The following RIMBP2 variants were observed in gnomAD, a reference collection of about 807,000 sequenced individuals.
The protein encoded by RIMBP2 is RIMS-binding protein 2.
A neutral mutation model predicts 118.6 loss-of-function variants in RIMBP2; 48 were observed. The ratio of observed to expected loss-of-function variants is 0.40; its 90% CI spans 0.32 to 0.51. RIMBP2 has a LOEUF of 0.51. Among genes scored for constraint, RIMBP2 ranks in the 20% least tolerant of loss-of-function variants. The pLI is 0.41. For synonymous variants in RIMBP2, 762 were observed against 742.9 expected (o/e 1.03, Z -0.42); for missense variants, 1,551 against 1,768.3 (o/e 0.88, Z 2.20).
intron 1 of RIMBP2, among the ~76,000 whole-genome samples, chr12:130,637,390 A>G (rs1353728776): frequency 6.6e-6 from 1 of 152,238 alleles, no homozygotes; most frequent in Non-Finnish European, 1.5e-5. Flanking sequence ...ACACATTTCG[A>G]GTGAATGAAT....
chr12:130,407,741 G>C lies in RIMBP2; in HGVS notation c.3678C>G (p.Pro1226=). The C allele has an allele frequency of 6.2e-7, 1 of 1,613,850 alleles. No individual in the cohort carries two copies. Residue 1226 remains proline, a synonymous_variant, in exon 20 of 23, where the codon CCC becomes CCG. Transcript: ENST00000690449. Reference sequence around the variant, plus strand: ...TGGCTGGTACCTCGACATCGACGTTGGGCGAGCTTTCTCTGGGGTCGTAGT... The same window carrying C: ...TGGCTGGTACCTCGACATCGACGTTCGGCGAGCTTTCTCTGGGGTCGTAGT... The part of the protein sequence containing the change: ...LYDYDPRESS[P]NVDVEAELTF...
At chr12:130,637,606 A>G (rs971729207) in intron 1 of RIMBP2, among the ~76,000 whole-genome samples, 1 of 152,246 alleles carries the variant, frequency 6.6e-6, no homozygotes, top group Non-Finnish European at 1.5e-5. Flanking sequence ...TAATGAAGAT[A>G]AAGAATTGAT....
intron 4 of RIMBP2, among the ~76,000 whole-genome samples, chr12:130,501,112 C>T (rs147688929): frequency 2.4e-4 from 36 of 152,288 alleles, no homozygotes; most frequent in Non-Finnish European, 3.8e-4. Context: ...CAGAAATTAA[C>T]GTCCTGACTC....
intron 4 of RIMBP2, among the ~76,000 whole-genome samples, chr12:130,495,348 C>T (rs1372835751): frequency 5.9e-5 from 9 of 152,164 alleles, no homozygotes; most frequent in African/African-American, 4.8e-5. Flanking sequence ...CAGTGCTGCC[C>T]GTTGTCTCCT....
intron 2 of RIMBP2, among the ~76,000 whole-genome samples, chr12:130,545,035 C>T (rs1487460914): frequency 1.3e-5 from 2 of 152,262 alleles, no homozygotes; most frequent in South Asian, 4.1e-4. Flanking sequence ...TTTTTTTAGG[C>T]ATCCATTGAA....
rs553340041 is a variant in RIMBP2, at chr12:130,628,345, C to G, written c.-240G>C. The G allele has an allele frequency of 1.9e-4, 29 of 152,320 alleles. No individual in the cohort carries two copies. Among genetic ancestry groups the G allele is most frequent in the African/African-American group, 6.5e-4 (27 of 41,560 alleles). The allele number at this position is 152,320 out of a possible 1,614,324, so 9.4% of individuals were successfully genotyped here. On this transcript the variant is annotated 5_prime_UTR_variant, in exon 2 of 23. Transcript: ENST00000690449. ...ACCACAAAGTTTCTCTGCTGAGTTC[C>G]TGGTCTCAGGAGAGGAAGTGGGAAA...
At position 130,441,841 on chromosome 12, in the gene RIMBP2, G is replaced by A. The variant is rs1418698208; in HGVS notation, c.1504+7C>T. The stretch of plus-strand genomic sequence containing the variant: ...CTGGGGGACCCACGGAAGGACACAG[G>A]GCTCACCTGCAGGCAACGTGGAGAA... On this transcript the variant is annotated splice_region_variant and intron_variant, in intron 11 of 22. Transcript: ENST00000690449. The A allele has an allele frequency of 6.2e-7, 1 of 1,612,208 alleles. No homozygotes were observed. The highest frequency in any genetic ancestry group is 1.3e-5 in the African/African-American group (1 of 74,894).
At chr12:130,540,478 A>T (rs58212996) in intron 2 of RIMBP2, among the ~76,000 whole-genome samples, 3,239 of 152,240 alleles carry the variant, frequency 0.021, 224 homozygotes, top group East Asian at 0.16. Context: ...AGAAAGTTGC[A>T]TTTGTCTTAT....
intron 2 of RIMBP2, among the ~76,000 whole-genome samples, chr12:130,605,184 G>C (rs11615140): frequency 0.82 from 125,057 of 152,092 alleles, 51,506 homozygotes; most frequent in South Asian, 0.87. Flanking sequence ...TACTTTAAAA[G>C]CTGGAAAGAT....
intron 2 of RIMBP2, among the ~76,000 whole-genome samples, chr12:130,619,599 G>A (rs7971314): frequency 0.32 from 48,269 of 151,992 alleles, 7,929 homozygotes; most frequent in South Asian, 0.43. Flanking sequence ...AAATGCACAC[G>A]CACGTGTTAT....
At chr12:130,432,911 C>T (rs2077241123) in intron 14 of RIMBP2, among the ~76,000 whole-genome samples, 1 of 152,178 alleles carries the variant, frequency 6.6e-6, no homozygotes, top group East Asian at 1.9e-4. Context: ...ATCTGTGACC[C>T]AAGAGACCAA....
At chr12:130,462,320 T>C (rs758912416) in intron 6 of RIMBP2, among the ~76,000 whole-genome samples, 19 of 152,134 alleles carry the variant, frequency 1.2e-4, no homozygotes, top group East Asian at 5.8e-4. Context: ...GGGCGATGCA[T>C]TGCCATAATT....
chr12:130,452,687 C>T (rs1445215735), intron 7 of RIMBP2, among the ~76,000 whole-genome samples: 1 of 152,218 alleles, frequency 6.6e-6, no homozygotes, highest in East Asian at 1.9e-4. Flanking sequence ...TTTTCCTCCC[C>T]ACACAGTGGC....
chr12:130,626,544 A>G lies in RIMBP2; in HGVS notation c.-217+1778T>C, dbSNP rs530649561. On this transcript the variant is annotated intron_variant, in intron 2 of 22. Coordinates refer to ENST00000690449, the MANE Select transcript of RIMBP2 (RefSeq NM_001393629.1). ...CATCACCACCATCTTCTCCATTACCATGACTACCGCCGGCATCACCACCAT... is the reference window on the plus strand; with the variant it reads ...CATCACCACCATCTTCTCCATTACCGTGACTACCGCCGGCATCACCACCAT... 8.6e-5 allele frequency among the ~76,000 whole-genome samples: 13 copies of G among 150,804 alleles called. No individual in the cohort carries two copies. The South Asian group carries it at 2.8e-3, about 32-fold the overall frequency.
chr12:130,579,875 T>G (rs2140168930), intron 2 of RIMBP2, among the ~76,000 whole-genome samples: 1 of 151,974 alleles, frequency 6.6e-6, no homozygotes, highest in East Asian at 1.9e-4. Context: ...AAACCATCAC[T>G]TAATAAAGAC....
intron 6 of RIMBP2, among the ~76,000 whole-genome samples, chr12:130,458,094 C>G (rs896456588): frequency 6.6e-6 from 1 of 150,458 alleles, no homozygotes; most frequent in Non-Finnish European, 1.5e-5. Flanking sequence ...TCCGCCCCTC[C>G]TCTTCATCCA....
At chr12:130,652,700 GA>G (rs111727628) in intron 1 of RIMBP2, among the ~76,000 whole-genome samples, 3 of 152,304 alleles carry the variant, frequency 2.0e-5, no homozygotes, top group African/African-American at 4.8e-5. Context: ...GATTTATAAA[GA>G]AAAGAGTTTT....
In RIMBP2 at chr12:130,511,428, G is replaced by T. The variant is rs957177730; in HGVS notation, c.-126-4658C>A. 7.2e-5 allele frequency among the ~76,000 whole-genome samples: 11 copies of T among 152,210 alleles called. No homozygotes were observed. The highest frequency in any genetic ancestry group is 2.6e-4 in the Admixed American group (4 of 15,280). On this transcript the variant is annotated intron_variant, in intron 3 of 22. Coordinates refer to ENST00000690449, the MANE Select transcript of RIMBP2 (RefSeq NM_001393629.1). The surrounding 1 kb of genome is among the most constrained non-coding windows in gnomAD (Gnocchi z 4.3). The stretch of plus-strand genomic sequence containing the variant: ...CGTTACCGCGAGCACGCGTCGAATT[G>T]TCACTCTACACCAACAACTGGCATC...
Position 130,578,529 on chromosome 12 carries a change from G to A in RIMBP2, c.-217+49793C>T, listed in dbSNP as rs538975292. 2.5e-4 allele frequency among the ~76,000 whole-genome samples: 38 copies of A among 152,340 alleles called. No homozygotes were observed. The highest frequency in any genetic ancestry group is 8.7e-4 in the African/African-American group (36 of 41,572). On this transcript the variant is annotated intron_variant, in intron 2 of 22. Coordinates refer to ENST00000690449, the MANE Select transcript of RIMBP2 (RefSeq NM_001393629.1). The surrounding 1 kb of genome is among the most constrained non-coding windows in gnomAD (Gnocchi z 4.1). Reference sequence around the variant, plus strand: ...TGTTCTCCTGGCCCCAGTCGTACATGCCTGTGTTCTGTTTCTCGATCATAG... The same window carrying A: ...TGTTCTCCTGGCCCCAGTCGTACATACCTGTGTTCTGTTTCTCGATCATAG...
Sources: allele counts gnomAD v4.1 joint callset (sites outside exome capture counted in the v4.1 genomes callset), GRCh38; gene constraint gnomAD v4.1.1; non-coding constraint Gnocchi (gnomAD v3.1); transcripts MANE v1.5; gene names NCBI Gene and HGNC (gene_info 2026-07-23, HGNC 2026-07-21).